The following RPTOR variants were observed in gnomAD, a reference collection of about 807,000 sequenced individuals.
RPTOR encodes regulatory associated protein of MTOR complex 1.
A neutral mutation model predicts 169.9 loss-of-function variants in RPTOR; 21 were observed. That is an observed-to-expected ratio of 0.12 (90% CI 0.09 to 0.18). The LOEUF is 0.18. Among genes scored for constraint, RPTOR ranks in the 10% least tolerant of loss-of-function variants. The probability of loss-of-function intolerance (pLI) is 1.00; values close to 1 mark genes in which losing one functional copy is unlikely to be tolerated. For missense variants in RPTOR, 1,133 were observed against 1,855.9 expected (o/e 0.61, Z 7.16); for synonymous variants, 732 against 753.2 (o/e 0.97, Z 0.46).
chr17:80,872,491 C>T, intron 13 of RPTOR, among the ~76,000 whole-genome samples: 1 of 152,128 alleles, frequency 6.6e-6, no homozygotes, highest in Admixed American at 6.5e-5. Flanking sequence ...TCCTGGGAGA[C>T]CACCCACCCC....
chr17:80,926,143 C>G (rs1217030004), intron 24 of RPTOR, among the ~76,000 whole-genome samples: 2 of 152,230 alleles, frequency 1.3e-5, no homozygotes, highest in East Asian at 3.8e-4. Flanking sequence ...AAACTCTCAG[C>G]TTATTCTCGA....
chr17:80,707,746 C>A lies in RPTOR; in HGVS notation c.349-95C>A. ...GAGCCATGTGTCCAGGACCACACAGCTATTAACTGCAAACCCAGAGGAAAG... is the reference window on the plus strand; with the variant it reads ...GAGCCATGTGTCCAGGACCACACAGATATTAACTGCAAACCCAGAGGAAAG... On this transcript the variant is annotated intron_variant, in intron 3 of 33. Coordinates refer to ENST00000306801, the MANE Select transcript of RPTOR (RefSeq NM_020761.3). This position sits in a 1 kb window ranked among gnomAD's most constrained non-coding sequence, Gnocchi z 5.0. The A allele has an allele frequency of 8.3e-7, 1 of 1,208,950 alleles. No individual in the cohort carries two copies. The highest frequency in any genetic ancestry group is 1.2e-6 in the Non-Finnish European group (1 of 855,952). The allele number at this position is 1,208,950 out of a possible 1,614,324, so 74.9% of individuals were successfully genotyped here.
At chr17:80,621,687 G>A (rs1482741845) in intron 1 of RPTOR, among the ~76,000 whole-genome samples, 3 of 152,222 alleles carry the variant, frequency 2.0e-5, no homozygotes, top group Non-Finnish European at 4.4e-5. Context: ...TGGACTGTGC[G>A]TCTACACTGC....
chr17:80,701,898 G>A (rs1281635285), intron 3 of RPTOR, among the ~76,000 whole-genome samples: 1 of 151,828 alleles, frequency 6.6e-6, no homozygotes, highest in African/African-American at 2.4e-5. Context: ...CTCTTCCCAG[G>A]TGGCCGTCTC....
chr17:80,812,307 T>C (rs2067281139), intron 7 of RPTOR, among the ~76,000 whole-genome samples: 1 of 152,234 alleles, frequency 6.6e-6, no homozygotes, highest in Admixed American at 6.5e-5. Context: ...TTTCTTGGTT[T>C]CAAACATATA....
At position 80,787,991 on chromosome 17, in the gene RPTOR, C is replaced by T. The variant is rs369096415; in HGVS notation, c.831-3459C>T. ...TCATTACTTCATAGATCCCCTTCAG[C>T]GTCTCTTGGAGTTTTCTCCCCTCTA... is the stretch of plus-strand genomic sequence containing the variant. On this transcript the variant is annotated intron_variant, in intron 6 of 33. Transcript: ENST00000306801. Among the ~76,000 whole-genome samples, 26 of 152,268 alleles carry T rather than the reference C, an allele frequency of 1.7e-4. No homozygotes were observed. The East Asian group carries it at 2.7e-3, about 16-fold the overall frequency.
Position 80,892,770 on chromosome 17 carries a change from C to G in RPTOR, c.2143C>G (p.Pro715Ala). The G allele has an allele frequency of 6.2e-7, 1 of 1,614,206 alleles. No homozygotes were observed. Among genetic ancestry groups the G allele is most frequent in the Non-Finnish European group, 8.5e-7 (1 of 1,180,038 alleles). ...LTPVRDSPCT[P>A]RLRSVSSYGN... Reference sequence around the variant, plus strand: ...CCCAGTGCGAGACAGCCCGTGCACCCCCAGACTTCGTTCTGTGAGCTCCTA... The same window carrying G: ...CCCAGTGCGAGACAGCCCGTGCACCGCCAGACTTCGTTCTGTGAGCTCCTA... Residue 715 changes from proline to alanine, a missense_variant, in exon 19 of 34, where the codon CCC (proline) becomes GCC (alanine). Physicochemically the swap from Pro to Ala is conservative, Grantham distance 27 (BLOSUM62 -1). Around this residue, in one of 9 missense-constraint regions of RPTOR, gnomAD observed 150 missense variants for 206.4 expected, o/e 0.73. Coordinates refer to ENST00000306801, the MANE Select transcript of RPTOR (RefSeq NM_020761.3).
chr17:80,745,498 C>G (rs2066563538), intron 5 of RPTOR, among the ~76,000 whole-genome samples: 1 of 141,774 alleles, frequency 7.1e-6, no homozygotes, highest in Non-Finnish European at 1.6e-5. Flanking sequence ...ATACATAATT[C>G]TATCAACAAT....
intron 4 of RPTOR, among the ~76,000 whole-genome samples, chr17:80,714,666 A>T (rs780961245): frequency 3.2e-4 from 49 of 152,376 alleles, no homozygotes; most frequent in Non-Finnish European, 5.3e-4. Context: ...GTGCTTATGG[A>T]AATGTACAGC....
chr17:80,731,054 G>GT (rs1196324783), intron 5 of RPTOR, among the ~76,000 whole-genome samples: 1 of 151,976 alleles, frequency 6.6e-6, no homozygotes, highest in Non-Finnish European at 1.5e-5. Flanking sequence ...AATTTTTGTA[G>GT]TTTTTGTAGA....
At chr17:80,639,909 G>T (rs149863756) in intron 2 of RPTOR, among the ~76,000 whole-genome samples, 2,103 of 152,234 alleles carry the variant, frequency 0.014, no homozygotes, top group Admixed American at 0.053. Flanking sequence ...CAGGTTGGCT[G>T]AATGCCAGCA....
rs532194180 is a variant in RPTOR, at chr17:80,774,291, G to A, written c.831-17159G>A. On this transcript the variant is annotated intron_variant, in intron 6 of 33. Transcript: ENST00000306801. ...GACACAGACGGCGCGGGAGCTGCAC[G>A]GGAGAGTGCTTTGGAAGTGGAAGCC... 70 of 985,414 alleles carry A rather than the reference G, an allele frequency of 7.1e-5. No individual in the cohort carries two copies. In the African/African-American group the frequency reaches 8.7e-4, roughly 12 times the overall value. The allele number at this position is 985,414 out of a possible 1,614,324, so 61.0% of individuals were successfully genotyped here. A position where few individuals can be genotyped will look rare whatever the true frequency, so the allele number is the denominator to read the frequency against.
intron 3 of RPTOR, among the ~76,000 whole-genome samples, chr17:80,645,891 C>T (rs1380743806): frequency 6.6e-6 from 1 of 152,144 alleles, no homozygotes. Flanking sequence ...GGGTGCAGTC[C>T]TCTGAATGAT....
intron 1 of RPTOR, among the ~76,000 whole-genome samples, chr17:80,584,801 T>G (rs1406518854): frequency 3.9e-5 from 6 of 152,256 alleles, no homozygotes; most frequent in Non-Finnish European, 8.8e-5. Flanking sequence ...GGAATTATGC[T>G]TTGATCCTTG....
At chr17:80,558,188 C>G (rs751473909) in intron 1 of RPTOR, among the ~76,000 whole-genome samples, 2 of 152,148 alleles carry the variant, frequency 1.3e-5, no homozygotes, top group Non-Finnish European at 2.9e-5. Flanking sequence ...GTGGTCCCAG[C>G]TACTCGGATG....
intron 7 of RPTOR, among the ~76,000 whole-genome samples, chr17:80,792,743 C>G (rs2067061863): frequency 6.6e-6 from 1 of 152,050 alleles, no homozygotes; most frequent in Admixed American, 6.5e-5. Context: ...TGGTTTGGTT[C>G]CCTGACGAGA....
chr17:80,671,528 G>A (rs2065821959), intron 3 of RPTOR, among the ~76,000 whole-genome samples: 1 of 152,072 alleles, frequency 6.6e-6, no homozygotes, highest in Admixed American at 6.5e-5. Context: ...AACGATTTTC[G>A]ACAGATTAGC....
At chr17:80,604,000 C>A (rs1158582132) in intron 1 of RPTOR, among the ~76,000 whole-genome samples, 1 of 152,238 alleles carries the variant, frequency 6.6e-6, no homozygotes, top group African/African-American at 2.4e-5. Flanking sequence ...CGGGCCACCC[C>A]TGTAAGCAGG....
intron 6 of RPTOR, among the ~76,000 whole-genome samples, chr17:80,778,968 C>A (rs2066914936): frequency 6.6e-6 from 1 of 152,220 alleles, no homozygotes. Context: ...CTGGCATGGA[C>A]TGGACATCGC....
Sources: allele counts gnomAD v4.1 joint callset (sites outside exome capture counted in the v4.1 genomes callset), GRCh38; gene constraint gnomAD v4.1.1; regional missense constraint gnomAD v4.1.1; non-coding constraint Gnocchi (gnomAD v3.1); transcripts MANE v1.5; gene names NCBI Gene and HGNC (gene_info 2026-07-23, HGNC 2026-07-21).